The following TSHR variants were observed in gnomAD, a reference collection of about 807,000 sequenced individuals.
TSHR encodes the protein thyroid stimulating hormone receptor.
A neutral mutation model predicts 64.1 loss-of-function variants in TSHR; 51 were observed. The ratio of observed to expected loss-of-function variants is 0.80; its 90% confidence interval spans 0.64 to 1.01. The LOEUF (loss-of-function observed/expected upper bound fraction) is 1.01, where lower values mean the gene tolerates loss of function less well. Among genes scored for constraint, TSHR ranks in the 50% least tolerant of loss-of-function variants. The pLI is 0.00. For synonymous variants in TSHR, 361 were observed against 361.9 expected (o/e 1.00, Z 0.03); for missense variants, 877 against 942.8 (o/e 0.93, Z 0.91).
chr14:80,976,827 A>C (rs539350995), intron 1 of TSHR, among the ~76,000 whole-genome samples: 1 of 152,244 alleles, frequency 6.6e-6, no homozygotes. Flanking sequence ...TCAGCGAATC[A>C]TTGAATGTGA....
rs2284724 is a variant in TSHR at position 80,984,608 on chromosome 14, A to T, written c.170+28758A>T. On this transcript the variant is annotated intron_variant, in intron 1 of 9. Transcript: ENST00000298171. ...CTCCTTTACAGTTCCCCTGAAGGAC[A>T]TTTTGAGGCGACGGCCTTCAAAGCT... 1.9e-3 allele frequency among the ~76,000 whole-genome samples: 296 copies of T among 152,308 alleles called. 8 individuals are homozygous for T. In the East Asian group the frequency reaches 0.054, roughly 28 times the overall value.
chr14:81,070,879 A>G (rs1887019971), intron 3 of TSHR, among the ~76,000 whole-genome samples: 1 of 152,172 alleles, frequency 6.6e-6, no homozygotes, highest in Non-Finnish European at 1.5e-5. Flanking sequence ...TATTAAAGGA[A>G]CTACTAATGG....
chr14:81,063,112 A>C (rs1161152207), intron 2 of TSHR, among the ~76,000 whole-genome samples: 2 of 152,180 alleles, frequency 1.3e-5, no homozygotes, highest in African/African-American at 4.8e-5. Context: ...AAATGTCAGC[A>C]GTGCTGAGGC....
intron 8 of TSHR, among the ~76,000 whole-genome samples, chr14:81,113,979 T>C (rs1163126644): frequency 1.3e-5 from 2 of 152,104 alleles, no homozygotes; most frequent in Non-Finnish European, 2.9e-5. Context: ...GCAGGTACTG[T>C]TCTGAAAACA....
chr14:81,016,340 C>T (rs1288840923), intron 1 of TSHR, among the ~76,000 whole-genome samples: 10 of 152,076 alleles, frequency 6.6e-5, no homozygotes, highest in Non-Finnish European at 7.4e-5. Flanking sequence ...TCTCTCACTA[C>T]GGTTTTGATT....
chr14:81,094,679 AT>A (rs1162262371), intron 6 of TSHR, among the ~76,000 whole-genome samples: 22 of 76,254 alleles, frequency 2.9e-4, no homozygotes, highest in African/African-American at 1.3e-3. Context: ...TATTTTTTTA[AT>A]TTTTTTTTTT....
intron 1 of TSHR, 182 bp downstream of exon 1, chr14:80,956,032 G>T (rs1308048478): frequency 2.8e-6 from 2 of 718,322 alleles, no homozygotes; most frequent in Admixed American, 2.1e-5. Flanking sequence ...CCCACACTTG[G>T]GAAGGTATCA....
In TSHR at chr14:81,068,469, C is replaced by T. The variant is rs578030586; in HGVS notation, c.317+141C>T. 78 of 737,034 alleles carry T rather than the reference C, an allele frequency of 1.1e-4. No individual in the cohort carries two copies. The South Asian group carries it at 1.1e-3, about 11-fold the overall frequency. 45.7% of individuals were successfully genotyped at this position (737,034 alleles called of 1,614,324 possible). A position where few individuals can be genotyped will look rare whatever the true frequency, so the allele number is the denominator to read the frequency against. ...TTTATGATTAAATTATTAACCTGTTCTCATTCTCAGTTCATGTTAATTCAT... is the reference window on the plus strand; with the variant it reads ...TTTATGATTAAATTATTAACCTGTTTTCATTCTCAGTTCATGTTAATTCAT... On this transcript the variant is annotated intron_variant, in intron 3 of 9. Coordinates refer to ENST00000298171, the MANE Select transcript of TSHR (RefSeq NM_000369.5).
chr14:81,142,902 G>T, intron 9 of TSHR, 38 bp from the exon 10 acceptor site: 2 of 1,592,804 alleles, frequency 1.3e-6, no homozygotes, highest in African/African-American at 1.3e-5. Flanking sequence ...GAGCCACTGC[G>T]CCCAGCCTGG....
intron 1 of TSHR, among the ~76,000 whole-genome samples, chr14:81,000,163 C>G (rs1889238625): frequency 1.3e-5 from 2 of 152,078 alleles, no homozygotes; most frequent in South Asian, 4.2e-4. Context: ...AACTCCTGAG[C>G]TCAGGCAATC....
In TSHR at chr14:80,955,665, C is replaced by T. The variant is rs752962560; in HGVS notation, c.-16C>T. 3 of 1,613,480 alleles carry T rather than the reference C, an allele frequency of 1.9e-6. No homozygotes were observed. Among genetic ancestry groups the T allele is most frequent in the South Asian group, 2.2e-5 (2 of 91,054 alleles). ...GATTTCGGAGGATGGAGAAATAGCC[C>T]CGAGTCCCGTGGAAAATGAGGCCGG... is the stretch of plus-strand genomic sequence containing the variant. On this transcript the variant is annotated 5_prime_UTR_variant, in exon 1 of 10. Coordinates refer to ENST00000298171, the MANE Select transcript of TSHR (RefSeq NM_000369.5).
chr14:81,143,173 AC>A lies in TSHR; in HGVS notation c.1120del (p.Gln374ArgfsTer38), dbSNP rs768939158. 6.2e-7 allele frequency: 1 copy of A among 1,614,008 alleles called. No individual in the cohort carries two copies. Among genetic ancestry groups the A allele is most frequent in the Non-Finnish European group, 8.5e-7 (1 of 1,180,004 alleles). On this transcript the variant is annotated frameshift_variant, in exon 10 of 10. Coordinates refer to ENST00000298171, the MANE Select transcript of TSHR (RefSeq NM_000369.5). LOFTEE classifies it high-confidence loss of function. ...EIIGFGQELK[N>X]PQEETLQAFD... is the part of the protein sequence containing the mutation. Reference sequence around the variant, plus strand: ...ATTGGTTTTGGCCAGGAGCTCAAAAACCCCCAGGAAGAGACTCTACAAGCTT... The same window carrying A: ...ATTGGTTTTGGCCAGGAGCTCAAAAACCCCAGGAAGAGACTCTACAAGCTT...
intron 1 of TSHR, among the ~76,000 whole-genome samples, chr14:81,048,512 G>A (rs760130536): frequency 6.6e-6 from 1 of 152,132 alleles, no homozygotes; most frequent in Non-Finnish European, 1.5e-5. Flanking sequence ...ATGTGCGAGT[G>A]TGTCCTGTAA....
intron 1 of TSHR, among the ~76,000 whole-genome samples, chr14:81,006,560 G>A (rs573135024): frequency 2.0e-5 from 3 of 151,656 alleles, no homozygotes; most frequent in South Asian, 4.2e-4. Flanking sequence ...GTCACCAGGC[G>A]AGAGCGCAGT....
At chr14:81,061,891 T>C (rs958017252) in intron 1 of TSHR, among the ~76,000 whole-genome samples, 1 of 152,132 alleles carries the variant, frequency 6.6e-6, no homozygotes, top group African/African-American at 2.4e-5. Flanking sequence ...GCAAGACATA[T>C]TAGTTTACTG....
chr14:81,077,667 G>C (rs766360225), intron 3 of TSHR, among the ~76,000 whole-genome samples: 16 of 152,168 alleles, frequency 1.1e-4, no homozygotes, highest in Non-Finnish European at 2.2e-4. Context: ...TAGTTGGAGT[G>C]TTTAATCCAT....
intron 1 of TSHR, among the ~76,000 whole-genome samples, chr14:81,004,825 C>T (rs1889511388): frequency 6.6e-6 from 1 of 152,178 alleles, no homozygotes; most frequent in Non-Finnish European, 1.5e-5. Context: ...CAAGGAAAAA[C>T]ATATGTATGA....
chr14:81,092,706 T>C, intron 6 of TSHR, 98 bp downstream of exon 6: 3 of 1,038,066 alleles, frequency 2.9e-6, no homozygotes, highest in South Asian at 2.6e-5. Flanking sequence ...TGCCTTATCA[T>C]ATATACTCTA....
intron 3 of TSHR, among the ~76,000 whole-genome samples, chr14:81,071,592 T>C (rs985620894): frequency 6.6e-6 from 1 of 152,050 alleles, no homozygotes; most frequent in Non-Finnish European, 1.5e-5. Flanking sequence ...AGTGAGATCT[T>C]GTCTCTACCA....
Sources: gnomAD v4.1 joint callset for allele counts (sites outside exome capture counted in the v4.1 genomes callset) on GRCh38, gnomAD v4.1.1 for gene constraint, MANE v1.5 for transcripts, NCBI Gene and HGNC (gene_info 2026-07-23, HGNC 2026-07-21) for gene names.